Variants in NKAIN2 observed in about 807,000 individuals in gnomAD.
NKAIN2 encodes the protein sodium/potassium-transporting ATPase subunit beta-1-interacting protein 2.
Under a neutral mutation model 32.6 loss-of-function variants are expected in NKAIN2, and 14 were observed. That is an observed-to-expected ratio of 0.43 (90% CI 0.28 to 0.67). The LOEUF is 0.67. NKAIN2 is among the 30% of genes least tolerant of loss of function. The pLI is 0.17. For synonymous variants in NKAIN2, 80 were observed against 87.2 expected (o/e 0.92, Z 0.46); for missense variants, 198 against 258.3 (o/e 0.77, Z 1.60).
At chr6:124,448,668 T>C (rs576718835) in intron 3 of NKAIN2, among the ~76,000 whole-genome samples, 1 of 152,132 alleles carries the variant, frequency 6.6e-6, no homozygotes, top group African/African-American at 2.4e-5. Context: ...TGTATTGGGA[T>C]TTTTTAGTGC....
chr6:124,404,657 A>C (rs1773768007), intron 3 of NKAIN2, among the ~76,000 whole-genome samples: 4 of 152,150 alleles, frequency 2.6e-5, no homozygotes, highest in African/African-American at 9.7e-5. Flanking sequence ...GAGTAATGGA[A>C]TTAAAAATTC....
chr6:123,991,305 G>C (rs2114689115), intron 1 of NKAIN2, among the ~76,000 whole-genome samples: 1 of 152,216 alleles, frequency 6.6e-6, no homozygotes, highest in Non-Finnish European at 1.5e-5. Context: ...CTTTAGAGCT[G>C]GTTCTGCTGA....
At chr6:124,278,897 G>T (rs1004321763) in intron 1 of NKAIN2, among the ~76,000 whole-genome samples, 1 of 151,530 alleles carries the variant, frequency 6.6e-6, no homozygotes, top group Non-Finnish European at 1.5e-5. Context: ...ATGAATTAAA[G>T]ATTTATTAAA....
intron 1 of NKAIN2, among the ~76,000 whole-genome samples, chr6:124,128,466 G>A (rs907268150): frequency 2.6e-5 from 4 of 152,068 alleles, no homozygotes; most frequent in Non-Finnish European, 5.9e-5. Flanking sequence ...TATTTATTGG[G>A]TGTGTCATGT....
chr6:124,405,510 G>A (rs988862658), intron 3 of NKAIN2, among the ~76,000 whole-genome samples: 1 of 150,694 alleles, frequency 6.6e-6, no homozygotes, highest in African/African-American at 2.4e-5. Flanking sequence ...ACAATACTAA[G>A]ACAAATATAA....
At chr6:124,707,664 C>A (rs957381896) in intron 4 of NKAIN2, among the ~76,000 whole-genome samples, 6 of 151,352 alleles carry the variant, frequency 4.0e-5, no homozygotes, top group African/African-American at 1.5e-4. Flanking sequence ...TGTTCATGTC[C>A]TTGGCCCACT....
At chr6:123,931,190 A>C (rs535746047) in intron 1 of NKAIN2, among the ~76,000 whole-genome samples, 35 of 151,192 alleles carry the variant, frequency 2.3e-4, no homozygotes, top group Non-Finnish European at 5.0e-4. Flanking sequence ...CTCATCTGAA[A>C]CAGTTCAATA....
At chr6:123,968,330 T>A (rs1424972087) in intron 1 of NKAIN2, among the ~76,000 whole-genome samples, 1 of 152,154 alleles carries the variant, frequency 6.6e-6, no homozygotes, top group East Asian at 1.9e-4. Context: ...ACGGGTGCTA[T>A]TACTTATAGT....
chr6:124,409,729 C>T (rs1457923054), intron 3 of NKAIN2, among the ~76,000 whole-genome samples: 4 of 152,112 alleles, frequency 2.6e-5, no homozygotes, highest in African/African-American at 9.7e-5. Context: ...GGGAGGATTC[C>T]CTCTTTTTCT....
rs117487725 is a variant in NKAIN2 at position 123,991,233 on chromosome 6, A to G, written c.54+186979A>G. Among the ~76,000 whole-genome samples the G allele has an allele frequency of 5.6e-3, 856 of 152,296 alleles. 2 individuals carry two copies. Among genetic ancestry groups the G allele is most frequent in the Non-Finnish European group, 8.8e-3 (597 of 68,020 alleles). On this transcript the variant is annotated intron_variant, in intron 1 of 6. Transcript: ENST00000368417. ...TTAAAACTCTACAATTACCCTTTCTATGAACAGATACTTAATGAGTACATA... is the reference window on the plus strand; with the variant it reads ...TTAAAACTCTACAATTACCCTTTCTGTGAACAGATACTTAATGAGTACATA...
intron 3 of NKAIN2, among the ~76,000 whole-genome samples, chr6:124,517,429 T>C (rs1260546286): frequency 1.3e-5 from 2 of 152,164 alleles, no homozygotes; most frequent in African/African-American, 4.8e-5. Context: ...TAACTTTTAC[T>C]TCCCAGATTT....
intron 4 of NKAIN2, among the ~76,000 whole-genome samples, chr6:124,721,530 G>A (rs1317732764): frequency 6.6e-6 from 1 of 152,124 alleles, no homozygotes; most frequent in Non-Finnish European, 1.5e-5. Flanking sequence ...TGGCTGCCAA[G>A]TTTTACTTGT....
At chr6:124,106,881 A>G (rs1272851348) in intron 1 of NKAIN2, among the ~76,000 whole-genome samples, 12 of 152,202 alleles carry the variant, frequency 7.9e-5, no homozygotes, top group Non-Finnish European at 1.8e-4. Flanking sequence ...TTTTTACATT[A>G]AAATGTGGAA....
chr6:124,466,495 A>G (rs145489285), intron 3 of NKAIN2, among the ~76,000 whole-genome samples: 223 of 152,142 alleles, frequency 1.5e-3, no homozygotes, highest in Middle Eastern at 3.4e-3. Context: ...TGTTCTTTCA[A>G]TTTGGAATGA....
At chr6:123,845,334 TG>T (rs1775043655) in intron 1 of NKAIN2, among the ~76,000 whole-genome samples, 1 of 152,184 alleles carries the variant, frequency 6.6e-6, no homozygotes, top group Non-Finnish European at 1.5e-5. Flanking sequence ...ATAAATAAAA[TG>T]TAATAACTTT....
At chr6:124,448,440 C>T (rs749284783) in intron 3 of NKAIN2, among the ~76,000 whole-genome samples, 2 of 152,134 alleles carry the variant, frequency 1.3e-5, no homozygotes, top group Non-Finnish European at 2.9e-5. Context: ...ACAATAAATG[C>T]TTTTCCTTAA....
intron 4 of NKAIN2, among the ~76,000 whole-genome samples, chr6:124,690,033 T>C (rs1774183608): frequency 6.6e-6 from 1 of 152,136 alleles, no homozygotes; most frequent in Non-Finnish European, 1.5e-5. Context: ...AATTCATAGA[T>C]CAAGTTCAGA....
At chr6:123,828,199 C>T (rs562423501) in intron 1 of NKAIN2, among the ~76,000 whole-genome samples, 1 of 152,174 alleles carries the variant, frequency 6.6e-6, no homozygotes, top group South Asian at 2.1e-4. Flanking sequence ...CTCTCCCTGC[C>T]TCTAAGCAGT....
intron 1 of NKAIN2, among the ~76,000 whole-genome samples, chr6:123,872,121 A>G (rs924875271): frequency 2.0e-5 from 3 of 152,074 alleles, no homozygotes; most frequent in African/African-American, 7.2e-5. Context: ...AATTTTTTTC[A>G]TATTTTATTT....
Sources: gnomAD v4.1 joint callset for allele counts (sites outside exome capture counted in the v4.1 genomes callset) on GRCh38, gnomAD v4.1.1 for gene constraint, MANE v1.5 for transcripts, NCBI Gene and HGNC (gene_info 2026-07-23, HGNC 2026-07-21) for gene names.